The following SLC28A1 variants were observed in gnomAD, a reference collection of about 807,000 sequenced individuals.
SLC28A1 encodes solute carrier family 28 member 1.
In SLC28A1, 64 loss-of-function variants were observed where a neutral mutation model predicts 74.8. The ratio of observed to expected loss-of-function variants is 0.86; its 90% confidence interval spans 0.70 to 1.05. The LOEUF (loss-of-function observed/expected upper bound fraction) is 1.05, where lower values mean the gene tolerates loss of function less well. Among genes scored for constraint, SLC28A1 ranks in the 50% least tolerant of loss-of-function variants. SLC28A1 has a pLI of 0.00. For missense variants in SLC28A1, 828 were observed against 822.8 expected (o/e 1.01, Z -0.08); for synonymous variants, 359 against 335.0 (o/e 1.07, Z -0.78).
intron 4 of SLC28A1, among the ~76,000 whole-genome samples, chr15:84,889,530 G>A (rs1965025853): frequency 2.6e-5 from 4 of 152,170 alleles, no homozygotes; most frequent in Admixed American, 2.6e-4. Context: ...AATGGCAGCT[G>A]GTGGGTGGAT....
intron 12 of SLC28A1, among the ~76,000 whole-genome samples, chr15:84,928,578 CTTTCTTTCTTT>C (rs1970829913): frequency 4.1e-5 from 1 of 24,368 alleles, no homozygotes; most frequent in African/African-American, 4.2e-4. Context: ...TTCTTTCTTT[CTTTCTTTCTTT>C]CTTTCTTTCT....
intron 9 of SLC28A1, among the ~76,000 whole-genome samples, chr15:84,917,214 T>G (rs1036317877): frequency 2.0e-5 from 3 of 152,196 alleles, no homozygotes; most frequent in Non-Finnish European, 4.4e-5. Context: ...ACTGCTCCCA[T>G]GCTATTACCA....
At chr15:84,923,878 T>C (rs1371633237) in intron 11 of SLC28A1, 107 bp from the exon 12 acceptor site, 38 of 1,470,326 alleles carry the variant, frequency 2.6e-5, no homozygotes, top group South Asian at 9.3e-5. Context: ...TACCCCATCC[T>C]GCTGCCTCTT....
the SLC28A1 span, among the ~76,000 whole-genome samples, chr15:84,953,453 G>C: frequency 6.6e-6 from 1 of 152,216 alleles, no homozygotes; most frequent in Non-Finnish European, 1.5e-5. Context: ...GAAAGCCTGA[G>C]CCAGGTGGCT....
chr15:84,889,607 G>C (rs189510658), intron 4 of SLC28A1, among the ~76,000 whole-genome samples: 49 of 152,246 alleles, frequency 3.2e-4, no homozygotes, highest in African/African-American at 1.1e-3. Flanking sequence ...AACGACAGGG[G>C]AGGGGAGGCA....
At chr15:84,960,228 CTTTTTTTTTTTTTTTTTTTTT>C in the SLC28A1 span, among the ~76,000 whole-genome samples, 63 of 85,586 alleles carry the variant, frequency 7.4e-4, 2 homozygotes, top group South Asian at 1.5e-3. Flanking sequence ...TGCCTGCCTG[CTTTTTTTTTTTTTTTTTTTTT>C]TTTTTTTTTT....
chr15:84,904,203 G>T lies in SLC28A1; in HGVS notation c.568G>T (p.Ala190Ser), dbSNP rs45523532. The T allele has an allele frequency of 0.013, 20,689 of 1,614,092 alleles. 155 individuals carry two copies. Among genetic ancestry groups the T allele is most frequent in the African/African-American group, 0.017 (1,269 of 75,034 alleles). The change falls in exon 7 of 19, where the codon GCT becomes TCT. Residue 190 changes from alanine to serine, a missense_variant. Physicochemically the swap from Ala to Ser is moderately conservative, Grantham distance 99 (BLOSUM62 1). Around this residue, in one of 3 missense-constraint regions of SLC28A1, gnomAD observed 767 missense variants for 753.5 expected, o/e 1.02. Transcript: ENST00000394573. ...VSFAGICVFV[A>S]LLFACSKHHC... ...CTTCGCAGGAATCTGCGTGTTCGTC[G>T]CTCTCCTCTTTGCCTGCTCAAAGCA... is the stretch of plus-strand genomic sequence containing the variant.
intron 9 of SLC28A1, among the ~76,000 whole-genome samples, chr15:84,911,506 G>A (rs905145938): frequency 9.2e-5 from 14 of 152,048 alleles, no homozygotes; most frequent in Non-Finnish European, 1.0e-4. Context: ...AGAAATCAAC[G>A]GCCTCATGTC....
chr15:84,939,359 A>G (rs1355363062), intron 15 of SLC28A1, among the ~76,000 whole-genome samples: 1 of 151,912 alleles, frequency 6.6e-6, no homozygotes, highest in African/African-American at 2.4e-5. Context: ...AAAGGAAAGA[A>G]GGAAGGGACA....
chr15:84,966,031 G>C, the SLC28A1 span, among the ~76,000 whole-genome samples: 1 of 152,176 alleles, frequency 6.6e-6, no homozygotes, highest in African/African-American at 2.4e-5. Context: ...AGTGATCTGA[G>C]AGAAAAACAA....
intron 13 of SLC28A1, among the ~76,000 whole-genome samples, chr15:84,933,969 C>G (rs1055106520): frequency 6.6e-6 from 1 of 152,044 alleles, no homozygotes; most frequent in Non-Finnish European, 1.5e-5. Flanking sequence ...AGCGAAACTC[C>G]GTCTCAAAAA....
the SLC28A1 span, among the ~76,000 whole-genome samples, chr15:84,973,451 C>T: frequency 6.6e-6 from 1 of 152,196 alleles, no homozygotes; most frequent in Admixed American, 6.5e-5. Flanking sequence ...TGTCCATCTC[C>T]AAGCCAATTG....
chr15:84,963,782 C>T, the SLC28A1 span, among the ~76,000 whole-genome samples: 3 of 152,168 alleles, frequency 2.0e-5, no homozygotes, highest in African/African-American at 7.2e-5. Context: ...AGTGCCAGCT[C>T]CTCATCATGG....
At chr15:84,921,628 A>G (rs868334677) in intron 11 of SLC28A1, among the ~76,000 whole-genome samples, 19 of 152,150 alleles carry the variant, frequency 1.2e-4, no homozygotes, top group African/African-American at 4.1e-4. Flanking sequence ...CCATCTGCCT[A>G]ATGTTTGAGT....
chr15:84,956,468 C>CTTTCTTTCCTTCT, the SLC28A1 span, among the ~76,000 whole-genome samples: 1 of 67,054 alleles, frequency 1.5e-5, no homozygotes, highest in African/African-American at 4.5e-5. Flanking sequence ...TCTTTCTTTC[C>CTTTCTTTCCTTCT]TTCTTTCTTT....
chr15:84,963,695 G>A, the SLC28A1 span, among the ~76,000 whole-genome samples: 13 of 152,198 alleles, frequency 8.5e-5, no homozygotes, highest in Non-Finnish European at 1.8e-4. Flanking sequence ...CCCAGGATGA[G>A]ACCTGGACAG....
At chr15:84,908,625 T>G (rs1389243374) in intron 8 of SLC28A1, 93 bp from the exon 9 acceptor site, 2 of 1,097,340 alleles carry the variant, frequency 1.8e-6, no homozygotes, top group African/African-American at 3.0e-5. Flanking sequence ...ACTACGTCCC[T>G]GGGCCAACCC....
At chr15:84,888,678 A>G (rs1964897411) in intron 3 of SLC28A1, 94 bp from the exon 4 acceptor site, 1 of 818,588 alleles carries the variant, frequency 1.2e-6, no homozygotes, top group South Asian at 1.4e-5. Flanking sequence ...TCCCCTCCTC[A>G]GCCAGGGTCT....
At position 84,928,561 on chromosome 15, in the gene SLC28A1, TC is replaced by T. The variant is rs1567172050; in HGVS notation, c.1083+4452del. On this transcript the variant is annotated intron_variant, in intron 12 of 18. Transcript: ENST00000394573. ...TTCTTTCTTTCTTTCTTTCTTTCTT[TC>T]TTTCTTTCTTTCTTTCTTTCTTTCT... Among the ~76,000 whole-genome samples the T allele has an allele frequency of 2.4e-3, 63 of 26,686 alleles. 6 individuals are homozygous for T. The highest frequency in any genetic ancestry group is 9.0e-3 in the African/African-American group (47 of 5,216). 17.5% of individuals were successfully genotyped at this position (26,686 alleles called of 152,430 possible). A position where few individuals can be genotyped will look rare whatever the true frequency, so the allele number is the denominator to read the frequency against.
Sources: allele counts gnomAD v4.1 joint callset (sites outside exome capture counted in the v4.1 genomes callset), GRCh38; gene constraint gnomAD v4.1.1; regional missense constraint gnomAD v4.1.1; transcripts MANE v1.5; gene names NCBI Gene and HGNC (gene_info 2026-07-23, HGNC 2026-07-21).